SCFD2: variants seen among roughly 807,000 people sequenced by gnomAD.
SCFD2 encodes the protein sec1 family domain containing 2.
A neutral mutation model predicts 58.9 loss-of-function variants in SCFD2; 54 were observed. The ratio of observed to expected loss-of-function variants is 0.92; its 90% CI spans 0.74 to 1.15. The LOEUF (loss-of-function observed/expected upper bound fraction) is 1.15, where lower values mean the gene tolerates loss of function less well. SCFD2 is among the 50% of genes most tolerant of loss of function. SCFD2 has a pLI of 0.00. For synonymous variants in SCFD2, 321 were observed against 335.9 expected (o/e 0.96, Z 0.49); for missense variants, 805 against 836.6 (o/e 0.96, Z 0.47).
intron 5 of SCFD2, among the ~76,000 whole-genome samples, chr4:53,022,115 G>A (rs983577502): frequency 6.6e-6 from 1 of 152,164 alleles, no homozygotes; most frequent in African/African-American, 2.4e-5. Context: ...TCAAGGCTTT[G>A]GGAATAGGGA....
intron 5 of SCFD2, among the ~76,000 whole-genome samples, chr4:52,921,865 G>C (rs1719744710): frequency 6.6e-6 from 1 of 152,154 alleles, no homozygotes; most frequent in Non-Finnish European, 1.5e-5. Flanking sequence ...TGTTTGGCTT[G>C]TGTATGGGGC....
chr4:53,243,427 G>T (rs1265824641), intron 4 of SCFD2, among the ~76,000 whole-genome samples: 1 of 152,054 alleles, frequency 6.6e-6, no homozygotes, highest in East Asian at 1.9e-4. Context: ...ACATGCAAAT[G>T]CTGAAAGAAT....
intron 4 of SCFD2, among the ~76,000 whole-genome samples, chr4:53,271,800 C>T (rs1280361522): frequency 6.6e-6 from 1 of 152,072 alleles, no homozygotes; most frequent in Non-Finnish European, 1.5e-5. Flanking sequence ...AAACTTGAGA[C>T]TTCATGTCTA....
chr4:53,195,088 C>T (rs1728021891), intron 4 of SCFD2, among the ~76,000 whole-genome samples: 1 of 152,124 alleles, frequency 6.6e-6, no homozygotes, highest in Non-Finnish European at 1.5e-5. Flanking sequence ...GTCAGAATGG[C>T]TGGTTACAAG....
intron 5 of SCFD2, among the ~76,000 whole-genome samples, chr4:53,120,542 C>T (rs1000637087): frequency 5.3e-5 from 8 of 152,072 alleles, no homozygotes; most frequent in African/African-American, 1.7e-4. Context: ...TAGGACAGGA[C>T]CTAAATGTTA....
chr4:53,200,630 C>T (rs1160863214), intron 4 of SCFD2, among the ~76,000 whole-genome samples: 2 of 151,962 alleles, frequency 1.3e-5, no homozygotes, highest in Admixed American at 6.6e-5. Flanking sequence ...GCGCTTGTCT[C>T]GTAACTGAAA....
chr4:53,320,280 T>A (rs1473281339), intron 2 of SCFD2, among the ~76,000 whole-genome samples: 1 of 152,230 alleles, frequency 6.6e-6, no homozygotes, highest in African/African-American at 2.4e-5. Flanking sequence ...TGAACTAAAA[T>A]GCCAATTTCT....
chr4:53,331,774 C>G (rs1268888391), intron 2 of SCFD2, among the ~76,000 whole-genome samples: 1 of 149,346 alleles, frequency 6.7e-6, no homozygotes, highest in East Asian at 2.0e-4. Flanking sequence ...AATAGAGACA[C>G]AAAAAACCCT....
At chr4:53,090,351 A>C (rs115466665) in intron 5 of SCFD2, among the ~76,000 whole-genome samples, 1,735 of 152,324 alleles carry the variant, frequency 0.011, 17 homozygotes, top group Middle Eastern at 0.034. Context: ...ACTCACTGAA[A>C]ATGCCAAAAG....
At chr4:53,328,834 C>T (rs1230159690) in intron 2 of SCFD2, among the ~76,000 whole-genome samples, 4 of 152,140 alleles carry the variant, frequency 2.6e-5, no homozygotes, top group Non-Finnish European at 4.4e-5. Flanking sequence ...TCTGAGGTAC[C>T]AGGTTCATCT....
intron 5 of SCFD2, among the ~76,000 whole-genome samples, chr4:53,028,999 G>T (rs1241505185): frequency 1.3e-5 from 2 of 152,162 alleles, no homozygotes; most frequent in Non-Finnish European, 2.9e-5. Context: ...AAATCTTGCT[G>T]GTTGAAACGA....
At chr4:53,338,425 T>C (rs1733747186) in intron 2 of SCFD2, among the ~76,000 whole-genome samples, 1 of 151,928 alleles carries the variant, frequency 6.6e-6, no homozygotes, top group Non-Finnish European at 1.5e-5. Context: ...CAACACACAT[T>C]ACAGTTCAGC....
chr4:53,239,044 A>G (rs1729793772), intron 4 of SCFD2, among the ~76,000 whole-genome samples: 2 of 151,660 alleles, frequency 1.3e-5, no homozygotes, highest in African/African-American at 2.4e-5. Context: ...AGCCGAGATC[A>G]CGCTACTGCA....
chr4:53,197,267 T>G lies in SCFD2; in HGVS notation c.1312-51685A>C, dbSNP rs184933452. Among the ~76,000 whole-genome samples, 257 of 152,280 alleles carry G rather than the reference T, an allele frequency of 1.7e-3. 1 individual carries two copies. Among genetic ancestry groups the G allele is most frequent in the Non-Finnish European group, 1.9e-3 (130 of 68,006 alleles). On this transcript the variant is annotated intron_variant, in intron 4 of 8. Coordinates refer to ENST00000401642, the MANE Select transcript of SCFD2 (RefSeq NM_152540.4). ...GAGGCCTGAACTGTTCATCAAAACA[T>G]ACTTTCAAAATGCCAAATGTAATAA...
chr4:53,201,492 C>T (rs904499025), intron 4 of SCFD2, among the ~76,000 whole-genome samples: 1 of 152,164 alleles, frequency 6.6e-6, no homozygotes, highest in African/African-American at 2.4e-5. Context: ...CATACATGTG[C>T]ATGTGTCTTT....
chr4:53,148,074 A>G (rs1174520665), intron 4 of SCFD2, among the ~76,000 whole-genome samples: 5 of 152,196 alleles, frequency 3.3e-5, no homozygotes, highest in Admixed American at 3.3e-4. Context: ...AGATTCTTTC[A>G]TTGCTTTATG....
chr4:52,918,026 T>C (rs1365424299), intron 6 of SCFD2, among the ~76,000 whole-genome samples: 1 of 151,860 alleles, frequency 6.6e-6, no homozygotes, highest in African/African-American at 2.4e-5. Context: ...GCAGCATAGG[T>C]CAGACCGGGA....
intron 5 of SCFD2, among the ~76,000 whole-genome samples, chr4:53,091,068 A>G (rs1322702791): frequency 6.6e-6 from 1 of 152,144 alleles, no homozygotes; most frequent in African/African-American, 2.4e-5. Context: ...TTATTTTTGG[A>G]TGGCAATTAT....
chr4:53,351,722 C>CCACATTGACCCACATTGACCCA (rs1456221262), intron 2 of SCFD2, among the ~76,000 whole-genome samples: 1 of 152,112 alleles, frequency 6.6e-6, no homozygotes, highest in African/African-American at 2.4e-5. Flanking sequence ...CTAGAACTTC[C>CCACATTGACCCACATTGACCCA]CATTTTCTTC....
Sources: allele counts gnomAD v4.1 joint callset (sites outside exome capture counted in the v4.1 genomes callset), GRCh38; gene constraint gnomAD v4.1.1; transcripts MANE v1.5; gene names NCBI Gene and HGNC (gene_info 2026-07-23, HGNC 2026-07-21).